RALGPS1: variants seen among roughly 807,000 people sequenced by gnomAD.
RALGPS1 encodes the protein ras-specific guanine nucleotide-releasing factor RalGPS1.
Under a neutral mutation model 78.8 loss-of-function variants are expected in RALGPS1, and 19 were observed. The observed-to-expected ratio is 0.24, with a 90% confidence interval of 0.17 to 0.35. The LOEUF is 0.35. Ranked by LOEUF, RALGPS1 falls within the 10% of genes least tolerant of loss-of-function variation. The pLI is 1.00. For synonymous variants in RALGPS1, 228 were observed against 256.3 expected, an observed-to-expected ratio of 0.89 and a Z score of 1.06; for missense variants, 454 against 688.3, an observed-to-expected ratio of 0.66 and a Z score of 3.81.
chr9:126,929,181 A>G (rs2035578133), intron 1 of RALGPS1, among the ~76,000 whole-genome samples: 1 of 152,260 alleles, frequency 6.6e-6, no homozygotes, highest in Non-Finnish European at 1.5e-5. Flanking sequence ...CAACATCAAC[A>G]GTAACAAGGT....
At chr9:126,920,543 T>C (rs1268177901) in intron 1 of RALGPS1, among the ~76,000 whole-genome samples, 1 of 152,186 alleles carries the variant, frequency 6.6e-6, no homozygotes, top group Non-Finnish European at 1.5e-5. Flanking sequence ...GCTGGAGTTG[T>C]GGAGGTGCAG....
At chr9:127,002,433 C>CTTTTTTTTTT (rs11380006) in intron 4 of RALGPS1, among the ~76,000 whole-genome samples, 1 of 117,422 alleles carries the variant, frequency 8.5e-6, no homozygotes, top group Admixed American at 8.4e-5. Flanking sequence ...CACAAACATT[C>CTTTTTTTTTT]TTTTTTTTTT....
intron 11 of RALGPS1, among the ~76,000 whole-genome samples, chr9:127,187,701 G>T (rs371874753): frequency 6.6e-6 from 1 of 152,284 alleles, no homozygotes; most frequent in African/African-American, 2.4e-5. Flanking sequence ...GTAATCCCTC[G>T]CGCATGGCTG....
At chr9:127,094,003 CACA>C in intron 8 of RALGPS1, 3 of 1,523,210 alleles carry the variant, frequency 2.0e-6, no homozygotes, top group Non-Finnish European at 2.7e-6. Flanking sequence ...CCCAAGCAGG[CACA>C]ACCTCTGTTG....
intron 14 of RALGPS1, among the ~76,000 whole-genome samples, chr9:127,210,352 A>T (rs960305084): frequency 6.6e-6 from 1 of 152,354 alleles, no homozygotes; most frequent in African/African-American, 2.4e-5. Context: ...TCTGGGCTGT[A>T]CAGTGTTTGC....
At chr9:127,023,056 T>G (rs1252642519) in intron 4 of RALGPS1, among the ~76,000 whole-genome samples, 1 of 152,040 alleles carries the variant, frequency 6.6e-6, no homozygotes, top group African/African-American at 2.4e-5. Flanking sequence ...TTCTCTTCCT[T>G]CCTCCTTTAT....
At chr9:127,035,160 C>T (rs1046887922) in intron 5 of RALGPS1, among the ~76,000 whole-genome samples, 2 of 152,218 alleles carry the variant, frequency 1.3e-5, no homozygotes, top group Non-Finnish European at 2.9e-5. Flanking sequence ...GTGTCCCCCA[C>T]CACCTTGCCC....
At chr9:126,999,184 A>AT (rs1403942808) in intron 4 of RALGPS1, among the ~76,000 whole-genome samples, 2 of 151,874 alleles carry the variant, frequency 1.3e-5, no homozygotes, top group African/African-American at 4.8e-5. Flanking sequence ...AATAATAATA[A>AT]GTTTCAGATT....
intron 8 of RALGPS1, among the ~76,000 whole-genome samples, chr9:127,116,031 C>G (rs1320433083): frequency 2.0e-5 from 3 of 152,224 alleles, no homozygotes; most frequent in East Asian, 3.9e-4. Context: ...TAGTTCAGCT[C>G]TCATAAGACC....
At chr9:126,946,016 A>G (rs749354389) in intron 1 of RALGPS1, among the ~76,000 whole-genome samples, 8 of 152,132 alleles carry the variant, frequency 5.3e-5, no homozygotes, top group Non-Finnish European at 1.0e-4. Flanking sequence ...TTAAGAATAA[A>G]CCATAGAGGG....
intron 13 of RALGPS1, among the ~76,000 whole-genome samples, chr9:127,197,307 C>T (rs547879175): frequency 2.8e-3 from 426 of 152,262 alleles, no homozygotes; most frequent in Non-Finnish European, 4.6e-3. Flanking sequence ...GGGCACCGCC[C>T]TGTTATTACT....
At chr9:127,207,239 C>T (rs2140943876) in intron 14 of RALGPS1, among the ~76,000 whole-genome samples, 1 of 152,256 alleles carries the variant, frequency 6.6e-6, no homozygotes, top group Admixed American at 6.5e-5. Flanking sequence ...CTCATCATCA[C>T]CTTGTACACC....
intron 1 of RALGPS1, among the ~76,000 whole-genome samples, chr9:126,922,781 T>C (rs1412996744): frequency 1.3e-5 from 2 of 152,248 alleles, no homozygotes; most frequent in East Asian, 1.9e-4. Context: ...ACATTTGTTC[T>C]TGCGTATTCA....
intron 5 of RALGPS1, among the ~76,000 whole-genome samples, chr9:127,047,107 T>C (rs2041824268): frequency 6.6e-6 from 1 of 152,200 alleles, no homozygotes; most frequent in Non-Finnish European, 1.5e-5. Flanking sequence ...TTACATATAC[T>C]TTTGAAAACA....
Position 127,219,192 on chromosome 9 carries a change from G to C in RALGPS1, c.*423G>C. 1 of 239,264 alleles carries C rather than the reference G, an allele frequency of 4.2e-6. No homozygotes were observed. Among genetic ancestry groups the C allele is most frequent in the African/African-American group, 2.2e-5 (1 of 44,626 alleles). The allele number at this position is 239,264 out of a possible 1,614,324, so 14.8% of individuals were successfully genotyped here. ...TTTTACACCCCAAGTGCATGGGGTT[G>C]CTCGCCCACAGGGCTGCCTCAGATT... On this transcript the variant is annotated 3_prime_UTR_variant, in exon 19 of 19. Transcript: ENST00000259351. This position sits in a 1 kb window ranked among gnomAD's most constrained non-coding sequence, Gnocchi z 5.0.
At chr9:127,170,500 T>G (rs1278008820) in intron 10 of RALGPS1, among the ~76,000 whole-genome samples, 1 of 152,236 alleles carries the variant, frequency 6.6e-6, no homozygotes, top group Non-Finnish European at 1.5e-5. Flanking sequence ...GAGATTACCA[T>G]TAAAATTATG....
At chr9:127,126,013 A>T (rs1024648563) in intron 8 of RALGPS1, among the ~76,000 whole-genome samples, 1 of 152,008 alleles carries the variant, frequency 6.6e-6, no homozygotes, top group African/African-American at 2.4e-5. Flanking sequence ...GGGTCAGGGG[A>T]TGCAGGTATA....
intron 4 of RALGPS1, among the ~76,000 whole-genome samples, chr9:127,029,195 T>C (rs1055909805): frequency 3.9e-5 from 6 of 152,132 alleles, no homozygotes; most frequent in Non-Finnish European, 7.4e-5. Flanking sequence ...CATTCTCTTT[T>C]ATTTGCCCAT....
At chr9:127,202,518 G>A (rs2061688394) in intron 14 of RALGPS1, among the ~76,000 whole-genome samples, 1 of 152,144 alleles carries the variant, frequency 6.6e-6, no homozygotes, top group Non-Finnish European at 1.5e-5. Flanking sequence ...TGGAACAAGG[G>A]TGCAGAGAGC....
Sources: allele counts gnomAD v4.1 joint callset (sites outside exome capture counted in the v4.1 genomes callset), GRCh38; gene constraint gnomAD v4.1.1; non-coding constraint Gnocchi (gnomAD v3.1); transcripts MANE v1.5; gene names NCBI Gene and HGNC (gene_info 2026-07-23, HGNC 2026-07-21).